Variants in GRID2 observed in about 807,000 individuals in gnomAD.
GRID2 encodes glutamate ionotropic receptor delta type subunit 2.
In GRID2, 33 loss-of-function variants were observed where a neutral mutation model predicts 114.8. The ratio of observed to expected loss-of-function variants is 0.29; its 90% CI spans 0.22 to 0.38. The LOEUF is 0.38. GRID2 is among the 10% of genes least tolerant of loss of function. The probability of loss-of-function intolerance (pLI) is 1.00; values close to 1 mark genes in which losing one functional copy is unlikely to be tolerated. For missense variants in GRID2, 1,184 were observed against 1,257.7 expected (o/e 0.94, Z 0.89); for synonymous variants, 505 against 449.9 (o/e 1.12, Z -1.55).
At position 92,987,395 on chromosome 4, in the gene GRID2, G is replaced by C. The variant is rs1254363798; in HGVS notation, c.245-97600G>C. 3.3e-5 allele frequency among the ~76,000 whole-genome samples: 5 copies of C among 151,992 alleles called. No individual in the cohort carries two copies. In the East Asian group the frequency reaches 9.7e-4, roughly 30 times the overall value. ...TGGTGTACACTCAGTGAAATTGCCA[G>C]AACAGTGAGGTTCCTTTGTTTCAAC... is the stretch of plus-strand genomic sequence containing the variant. On this transcript the variant is annotated intron_variant, in intron 2 of 15. Coordinates refer to ENST00000282020, the MANE Select transcript of GRID2 (RefSeq NM_001510.4).
intron 8 of GRID2, among the ~76,000 whole-genome samples, chr4:93,367,614 A>C (rs1041492195): frequency 6.6e-6 from 1 of 152,224 alleles, no homozygotes; most frequent in African/African-American, 2.4e-5. Flanking sequence ...CTTTTTTGAT[A>C]GCTTTACAGC....
chr4:93,164,160 G>GA (rs869237106), intron 4 of GRID2, among the ~76,000 whole-genome samples: 6 of 151,030 alleles, frequency 4.0e-5, no homozygotes, highest in African/African-American at 1.5e-4. Context: ...CCCGGGGGGG[G>GA]AAAAAAAAGG....
intron 1 of GRID2, among the ~76,000 whole-genome samples, chr4:92,315,793 A>G (rs1725936689): frequency 6.6e-6 from 1 of 151,872 alleles, no homozygotes; most frequent in Admixed American, 6.6e-5. Flanking sequence ...CAACATGGTG[A>G]AACCCCGTCT....
intron 14 of GRID2, among the ~76,000 whole-genome samples, chr4:93,632,343 G>A (rs1481499483): frequency 6.6e-6 from 1 of 152,160 alleles, no homozygotes; most frequent in Non-Finnish European, 1.5e-5. Flanking sequence ...GGTTTTTATG[G>A]TTTTAGGTCT....
At chr4:92,554,285 A>C (rs1298792761) in intron 1 of GRID2, among the ~76,000 whole-genome samples, 1 of 152,160 alleles carries the variant, frequency 6.6e-6, no homozygotes, top group Non-Finnish European at 1.5e-5. Flanking sequence ...TATAAGAAAG[A>C]AACAGAGAAA....
chr4:93,623,538 A>T (rs182858010), intron 13 of GRID2, among the ~76,000 whole-genome samples: 2 of 152,326 alleles, frequency 1.3e-5, no homozygotes, highest in African/African-American at 4.8e-5. Flanking sequence ...ATGCACCTGT[A>T]TGTTTATTGC....
intron 14 of GRID2, among the ~76,000 whole-genome samples, chr4:93,635,803 A>G (rs1721363892): frequency 6.6e-6 from 1 of 152,154 alleles, no homozygotes; most frequent in South Asian, 2.1e-4. Flanking sequence ...AGATGACAGA[A>G]TAAGTATAGT....
intron 8 of GRID2, among the ~76,000 whole-genome samples, chr4:93,316,651 G>A (rs930213926): frequency 3.4e-4 from 51 of 152,020 alleles, no homozygotes; most frequent in African/African-American, 1.2e-3. Flanking sequence ...ACAAATACAC[G>A]GCTTTTTTCT....
chr4:92,849,633 A>G (rs990899848), intron 2 of GRID2, among the ~76,000 whole-genome samples: 1 of 151,932 alleles, frequency 6.6e-6, no homozygotes, highest in Admixed American at 6.6e-5. Context: ...TTCAACTTAT[A>G]ACATCTTTTC....
chr4:92,814,896 C>A, intron 2 of GRID2, among the ~76,000 whole-genome samples: 1 of 152,168 alleles, frequency 6.6e-6, no homozygotes, highest in South Asian at 2.1e-4. Flanking sequence ...AAAGAGAAAC[C>A]TTTCTCCCTC....
intron 4 of GRID2, among the ~76,000 whole-genome samples, chr4:93,182,466 TAGA>T (rs1739986861): frequency 6.6e-6 from 1 of 152,200 alleles, no homozygotes; most frequent in Non-Finnish European, 1.5e-5. Context: ...CTGATCAAAT[TAGA>T]AGAGAGTGAT....
At chr4:93,363,967 T>C (rs1266433876) in intron 8 of GRID2, among the ~76,000 whole-genome samples, 1 of 152,050 alleles carries the variant, frequency 6.6e-6, no homozygotes, top group African/African-American at 2.4e-5. Flanking sequence ...TGTATTTTTA[T>C]TCATCTCATA....
At chr4:93,084,456 A>G (rs946864136) in intron 2 of GRID2, among the ~76,000 whole-genome samples, 2 of 152,148 alleles carry the variant, frequency 1.3e-5, no homozygotes, top group African/African-American at 4.8e-5. Flanking sequence ...GAAAGGGGCA[A>G]TGTCATCAAG....
intron 1 of GRID2, among the ~76,000 whole-genome samples, chr4:92,322,938 T>TC (rs1228739603): frequency 6.6e-6 from 1 of 152,108 alleles, no homozygotes; most frequent in Non-Finnish European, 1.5e-5. Flanking sequence ...AAAATCAGAA[T>TC]CTAGTGCCTG....
chr4:92,335,000 C>T (rs1170146292), intron 1 of GRID2, among the ~76,000 whole-genome samples: 1 of 152,084 alleles, frequency 6.6e-6, no homozygotes, highest in Non-Finnish European at 1.5e-5. Context: ...ATTTAGTTTT[C>T]TTTTTTATTC....
rs1324245423 is a variant in GRID2 at position 93,774,412 on chromosome 4, T to C, written c.*1914T>C. The C allele has an allele frequency of 6.6e-6, 1 of 152,116 alleles. No homozygotes were observed. Among genetic ancestry groups the C allele is most frequent in the Non-Finnish European group, 1.5e-5 (1 of 67,988 alleles). 9.4% of individuals were successfully genotyped at this position (152,116 alleles called of 1,614,324 possible). A position where few individuals can be genotyped will look rare whatever the true frequency, so the allele number is the denominator to read the frequency against. On this transcript the variant is annotated 3_prime_UTR_variant, in exon 16 of 16. Coordinates refer to ENST00000282020, the MANE Select transcript of GRID2 (RefSeq NM_001510.4). ...TTAGCTATCAACAAACTGTTAACCA[T>C]GTACAATATTTAAAATAGGCTTATT... is the stretch of plus-strand genomic sequence containing the variant.
At chr4:92,582,943 T>C (rs62310105) in intron 1 of GRID2, among the ~76,000 whole-genome samples, 57,157 of 151,784 alleles carry the variant, frequency 0.38, 10,771 homozygotes, top group Middle Eastern at 0.46. Flanking sequence ...GCCATGGCTG[T>C]ATAATTACAC....
At position 92,975,208 on chromosome 4, in the gene GRID2, T is replaced by C. The variant is rs561086706; in HGVS notation, c.245-109787T>C. Among the ~76,000 whole-genome samples the C allele has an allele frequency of 1.2e-4, 17 of 145,476 alleles. 1 individual carries two copies. In the South Asian group the frequency reaches 3.5e-3, roughly 30 times the overall value. On this transcript the variant is annotated intron_variant, in intron 2 of 15. Transcript: ENST00000282020. The stretch of plus-strand genomic sequence containing the variant: ...TGATTAACATCTAGCTTATTATTTA[T>C]ATATGTGCATATATATAATATGTTG...
rs116403877 is a variant in GRID2, at chr4:93,614,491, A to G, written c.2194-11778A>G. Among the ~76,000 whole-genome samples, 1,186 of 152,326 alleles carry G rather than the reference A, an allele frequency of 7.8e-3. 10 individuals carry two copies. The highest frequency in any genetic ancestry group is 0.033 in the East Asian group (170 of 5,190). ...CAAAACCCATAAAATATAGTGTGTA[A>G]TAATAATTATATATGTTTTATTACT... On this transcript the variant is annotated intron_variant, in intron 13 of 15. Coordinates refer to ENST00000282020, the MANE Select transcript of GRID2 (RefSeq NM_001510.4).
Sources: allele counts gnomAD v4.1 joint callset (sites outside exome capture counted in the v4.1 genomes callset), GRCh38; gene constraint gnomAD v4.1.1; transcripts MANE v1.5; gene names NCBI Gene and HGNC (gene_info 2026-07-23, HGNC 2026-07-21).